The following RANBP17 variants were observed in gnomAD, a reference collection of about 807,000 sequenced individuals.
The protein encoded by RANBP17 is ran-binding protein 17.
In RANBP17, 158 loss-of-function variants were observed where a neutral mutation model predicts 141.2. That is an observed-to-expected ratio of 1.12 (90% confidence interval 0.98 to 1.28). RANBP17 has a LOEUF of 1.28. RANBP17 is among the 50% of genes most tolerant of loss of function. The probability of loss-of-function intolerance (pLI) is 0.00; values close to 1 mark genes in which losing one functional copy is unlikely to be tolerated. For synonymous variants in RANBP17, 430 were observed against 450.0 expected (o/e 0.96, Z 0.56); for missense variants, 1,438 against 1,290.7 (o/e 1.11, Z -1.75).
intron 14 of RANBP17, among the ~76,000 whole-genome samples, chr5:171,034,495 C>T (rs894321822): frequency 1.3e-5 from 2 of 152,162 alleles, no homozygotes; most frequent in Non-Finnish European, 2.9e-5. Flanking sequence ...CTAAATGATG[C>T]CCCAGCCAAC....
intron 13 of RANBP17, among the ~76,000 whole-genome samples, chr5:170,965,753 T>C (rs1337408011): frequency 6.6e-6 from 1 of 152,180 alleles, no homozygotes; most frequent in East Asian, 1.9e-4. Context: ...GTTCCGTTGG[T>C]CTGTATCTCT....
intron 14 of RANBP17, among the ~76,000 whole-genome samples, chr5:171,053,652 A>G (rs1783113549): frequency 1.3e-5 from 2 of 151,636 alleles, no homozygotes; most frequent in South Asian, 4.2e-4. Context: ...ATATAGAATT[A>G]TGTCATCTGT....
chr5:171,050,148 C>G (rs1270843878), intron 14 of RANBP17, among the ~76,000 whole-genome samples: 1 of 151,976 alleles, frequency 6.6e-6, no homozygotes, highest in Non-Finnish European at 1.5e-5. Context: ...GAGCAGTTCC[C>G]TCTCTGATTT....
At chr5:171,202,642 T>C (rs1301612769) in intron 19 of RANBP17, among the ~76,000 whole-genome samples, 2 of 152,182 alleles carry the variant, frequency 1.3e-5, no homozygotes, top group Non-Finnish European at 2.9e-5. Flanking sequence ...TGGAGAGGGA[T>C]AGAGCAATAA....
At chr5:170,915,071 C>A (rs1771837303) in intron 8 of RANBP17, among the ~76,000 whole-genome samples, 1 of 152,110 alleles carries the variant, frequency 6.6e-6, no homozygotes, top group Non-Finnish European at 1.5e-5. Flanking sequence ...CTGGGTTTCT[C>A]AGGGTACCTC....
intron 14 of RANBP17, among the ~76,000 whole-genome samples, chr5:171,113,863 T>G (rs994487016): frequency 5.7e-4 from 87 of 152,314 alleles, no homozygotes; most frequent in African/African-American, 2.1e-3. Flanking sequence ...GAATGTACAG[T>G]GAAGTTTTCT....
chr5:171,191,906 A>C (rs562682172), intron 18 of RANBP17, among the ~76,000 whole-genome samples: 7 of 152,226 alleles, frequency 4.6e-5, no homozygotes, highest in Admixed American at 1.3e-4. Flanking sequence ...GCTTGGGGGC[A>C]GTGAAAGAAA....
At chr5:171,232,460 TTCTC>T (rs1274355520) in intron 22 of RANBP17, among the ~76,000 whole-genome samples, 1 of 152,166 alleles carries the variant, frequency 6.6e-6, no homozygotes, top group African/African-American at 2.4e-5. Context: ...ATCACTTTCT[TTCTC>T]ATCTTTTTTC....
At chr5:170,916,412 T>C in intron 8 of RANBP17, 53 bp from the exon 9 acceptor site, 1 of 1,414,940 alleles carries the variant, frequency 7.1e-7, no homozygotes, top group East Asian at 2.4e-5. Flanking sequence ...ATTCCTTACA[T>C]GTGGCCACAG....
At chr5:171,161,199 G>A (rs997026517) in intron 14 of RANBP17, among the ~76,000 whole-genome samples, 4 of 152,208 alleles carry the variant, frequency 2.6e-5, no homozygotes, top group African/African-American at 9.6e-5. Context: ...CAATCCCATT[G>A]TCATTCATAT....
At chr5:171,291,753 G>T (rs1442640925) in intron 25 of RANBP17, among the ~76,000 whole-genome samples, 1 of 152,076 alleles carries the variant, frequency 6.6e-6, no homozygotes, top group African/African-American at 2.4e-5. Context: ...TTCTGGATAT[G>T]GGTTGCCATG....
At chr5:171,089,560 C>G (rs931507160) in intron 14 of RANBP17, among the ~76,000 whole-genome samples, 8 of 151,988 alleles carry the variant, frequency 5.3e-5, no homozygotes, top group Non-Finnish European at 1.0e-4. Context: ...CCCCCGGCCT[C>G]GCTGCTGCCT....
Position 171,226,535 on chromosome 5 carries a change from G to A in RANBP17, c.2422+4695G>A, listed in dbSNP as rs367569563. Among the ~76,000 whole-genome samples, 194 of 152,242 alleles carry A rather than the reference G, an allele frequency of 1.3e-3. 9 individuals are homozygous for A. The South Asian group carries it at 0.039, about 31-fold the overall frequency. On this transcript the variant is annotated intron_variant, in intron 22 of 27. Transcript: ENST00000523189. ...GTGTATGTAAGGTATAACTTAATAT[G>A]CATAAATTGAATTTGTAAAGTGTTA...
At chr5:171,099,263 A>T (rs185671872) in intron 14 of RANBP17, among the ~76,000 whole-genome samples, 6,988 of 152,040 alleles carry the variant, frequency 0.046, 196 homozygotes, top group East Asian at 0.12. Context: ...ATGTTTTTCC[A>T]TTTTTTTGTG....
At chr5:170,920,435 T>G (rs1298513197) in intron 11 of RANBP17, among the ~76,000 whole-genome samples, 1 of 152,164 alleles carries the variant, frequency 6.6e-6, no homozygotes, top group Non-Finnish European at 1.5e-5. Context: ...CATGCACTTA[T>G]TTACCATCTG....
chr5:171,214,885 A>G (rs967558673), intron 21 of RANBP17, among the ~76,000 whole-genome samples: 14 of 152,028 alleles, frequency 9.2e-5, no homozygotes, highest in Admixed American at 2.0e-4. Flanking sequence ...CCACAGGCAG[A>G]TGATTTTTTT....
At chr5:170,994,282 G>C (rs1778687051) in intron 14 of RANBP17, among the ~76,000 whole-genome samples, 1 of 152,012 alleles carries the variant, frequency 6.6e-6, no homozygotes, top group Non-Finnish European at 1.5e-5. Flanking sequence ...ATTTGAATTG[G>C]TAGAAAATTA....
intron 14 of RANBP17, among the ~76,000 whole-genome samples, chr5:171,001,890 C>T (rs940780718): frequency 4.6e-5 from 7 of 152,102 alleles, no homozygotes; most frequent in Non-Finnish European, 8.8e-5. Flanking sequence ...TGGGAAAGGC[C>T]TCTACCCATC....
intron 14 of RANBP17, among the ~76,000 whole-genome samples, chr5:171,145,258 A>G (rs1157215928): frequency 2.6e-5 from 4 of 152,078 alleles, no homozygotes; most frequent in Non-Finnish European, 5.9e-5. Flanking sequence ...TTTGGGGGCC[A>G]TTTTTCTTGA....
Sources: gnomAD v4.1 joint callset for allele counts (sites outside exome capture counted in the v4.1 genomes callset) on GRCh38, gnomAD v4.1.1 for gene constraint, MANE v1.5 for transcripts, NCBI Gene and HGNC (gene_info 2026-07-23, HGNC 2026-07-21) for gene names.